Variants in CNDP1 observed in about 807,000 individuals in gnomAD.
The protein encoded by CNDP1 is carnosine dipeptidase 1.
A neutral mutation model predicts 58.1 loss-of-function variants in CNDP1; 44 were observed. That is an observed-to-expected ratio of 0.76 (90% CI 0.60 to 0.97). CNDP1 has a LOEUF of 0.97. CNDP1 is among the 50% of genes least tolerant of loss of function. The pLI, the probability that CNDP1 is intolerant of heterozygous loss-of-function variation, is 0.00. For synonymous variants in CNDP1, 254 were observed against 252.6 expected, an observed-to-expected ratio of 1.01 and a Z score of -0.05; for missense variants, 616 against 655.1, an observed-to-expected ratio of 0.94 and a Z score of 0.65.
intron 7 of CNDP1, among the ~76,000 whole-genome samples, chr18:74,573,371 C>T (rs1055110784): frequency 1.4e-5 from 2 of 138,660 alleles, no homozygotes; most frequent in African/African-American, 2.7e-5. Flanking sequence ...ATCCATCTAT[C>T]ATCTTTCTAT....
intron 1 of CNDP1, among the ~76,000 whole-genome samples, chr18:74,544,292 A>G (rs1251540853): frequency 6.6e-6 from 1 of 152,224 alleles, no homozygotes; most frequent in Admixed American, 6.5e-5. Flanking sequence ...TTGGCATCTT[A>G]TTCTATGATA....
rs536513249 is a variant in CNDP1, at chr18:74,582,503, A to T, written c.1310-1058A>T. Reference sequence around the variant, plus strand: ...CTATTGGCATATCTGTCACCAAAAAACCCAAAGAAGTCCCACTTCCATAAT... The same window carrying T: ...CTATTGGCATATCTGTCACCAAAAATCCCAAAGAAGTCCCACTTCCATAAT... On this transcript the variant is annotated intron_variant, in intron 10 of 11. Coordinates refer to ENST00000358821, the MANE Select transcript of CNDP1 (RefSeq NM_032649.6). Among the ~76,000 whole-genome samples the T allele has an allele frequency of 1.1e-4, 17 of 152,296 alleles. No individual in the cohort carries two copies. In the South Asian group the frequency reaches 3.3e-3, roughly 30 times the overall value.
intron 6 of CNDP1, among the ~76,000 whole-genome samples, chr18:74,567,684 T>G (rs1981366362): frequency 6.6e-6 from 1 of 152,156 alleles, no homozygotes. Context: ...CAGGGGTTTG[T>G]GACTTACAAA....
chr18:74,572,329 G>A (rs1484953507), intron 7 of CNDP1, among the ~76,000 whole-genome samples: 1 of 152,020 alleles, frequency 6.6e-6, no homozygotes, highest in Admixed American at 6.6e-5. Flanking sequence ...TAAACTCCAG[G>A]GGCCTCACTT....
At chr18:74,540,782 T>G (rs1321041090) in intron 1 of CNDP1, among the ~76,000 whole-genome samples, 1 of 152,206 alleles carries the variant, frequency 6.6e-6, no homozygotes, top group Admixed American at 6.5e-5. Context: ...CTCGGCTCAG[T>G]GCCTGCCCTC....
At chr18:74,560,010 C>CTTTCTTTT (rs1555709725) in intron 3 of CNDP1, among the ~76,000 whole-genome samples, 23 of 121,326 alleles carry the variant, frequency 1.9e-4, no homozygotes, top group Admixed American at 1.8e-3. Context: ...CATCTGCATT[C>CTTTCTTTT]TTTTTTTTTT....
At chr18:74,553,701 C>T (rs1980966218) in intron 1 of CNDP1, among the ~76,000 whole-genome samples, 1 of 152,144 alleles carries the variant, frequency 6.6e-6, no homozygotes, top group African/African-American at 2.4e-5. Flanking sequence ...TATTATCCAG[C>T]AAAATTCAGA....
chr18:74,570,897 A>G (rs1981462937), intron 6 of CNDP1, among the ~76,000 whole-genome samples: 1 of 152,224 alleles, frequency 6.6e-6, no homozygotes, highest in African/African-American at 2.4e-5. Flanking sequence ...GTAAACATCA[A>G]TCATTTGGCC....
intron 1 of CNDP1, among the ~76,000 whole-genome samples, chr18:74,539,838 A>G (rs1273211585): frequency 1.3e-5 from 2 of 152,228 alleles, no homozygotes; most frequent in African/African-American, 4.8e-5. Context: ...AATTACCAAC[A>G]TGTGGCCCAT....
At chr18:74,575,831 ATGTGTGTGTG>A (rs386388202) in intron 7 of CNDP1, among the ~76,000 whole-genome samples, 26 of 94,234 alleles carry the variant, frequency 2.8e-4, no homozygotes, top group African/African-American at 8.5e-4. Flanking sequence ...GTGTGTATAC[ATGTGTGTGTG>A]TGTGTGTGTG....
intron 11 of CNDP1, 159 bp downstream of exon 11, chr18:74,583,867 C>T: frequency 1.4e-6 from 1 of 723,916 alleles, no homozygotes; most frequent in Non-Finnish European, 2.3e-6. Context: ...GTTCTGGAGC[C>T]TGGATGCCCT....
At chr18:74,580,009 A>G in intron 9 of CNDP1, 121 bp from the exon 10 acceptor site, 1 of 854,670 alleles carries the variant, frequency 1.2e-6, no homozygotes, top group East Asian at 2.7e-5. Flanking sequence ...CTGGGGCTTC[A>G]GTTTCTTGAT....
Position 74,580,263 on chromosome 18 carries a change from T to A in CNDP1, c.1301T>A (p.Ile434Asn). The A allele has an allele frequency of 6.2e-7, 1 of 1,614,104 alleles. No homozygotes were observed. The highest frequency in any genetic ancestry group is 8.5e-7 in the Non-Finnish European group (1 of 1,179,990). Residue 434 changes from isoleucine to asparagine, a missense_variant, in exon 10 of 12, where the codon ATC becomes AAC. Coordinates refer to ENST00000358821, the MANE Select transcript of CNDP1 (RefSeq NM_032649.6). ...CAGTATCTCGCAGCAAAAAGAGCGA[T>A]CAGAACAGGTGGGACCTTAAGATCT... Reference protein sequence around the residue: ...DTQYLAAKRAIRTVFGTEPDM... With the variant: ...DTQYLAAKRANRTVFGTEPDM...
In CNDP1 at chr18:74,584,543, A is replaced by G; in HGVS notation, c.1505A>G (p.Glu502Gly). The part of the protein sequence containing the change: ...GTKLFAAFFL[E>G]MAQLH Reference sequence around the variant, plus strand: ...AAATTATTTGCTGCCTTTTTCTTAGAGATGGCCCAGCTCCATTAATCACAA... The same window carrying G: ...AAATTATTTGCTGCCTTTTTCTTAGGGATGGCCCAGCTCCATTAATCACAA... Residue 502 changes from glutamate (E) to glycine (G), a missense_variant, in exon 12 of 12, where the codon GAG (glutamate) becomes GGG (glycine). Glu to Gly is a moderately conservative substitution (Grantham distance 98, BLOSUM62 -2). Coordinates refer to ENST00000358821, the MANE Select transcript of CNDP1 (RefSeq NM_032649.6). The G allele has an allele frequency of 6.2e-7, 1 of 1,613,734 alleles. No homozygotes were observed. Among genetic ancestry groups the G allele is most frequent in the African/African-American group, 1.3e-5 (1 of 75,050 alleles).
rs1599105589 is a variant in CNDP1 at position 74,584,370 on chromosome 18, A to G, written c.1458-126A>G. ...GTGCTTTTCATACTGGGATCTCAGA[A>G]GTATGTTAAATAATTTAAATGGAAT... On this transcript the variant is annotated intron_variant, in intron 11 of 11. Transcript: ENST00000358821. 4.0e-5 allele frequency: 27 copies of G among 669,638 alleles called. 1 individual carries two copies. The East Asian group carries it at 7.4e-4, about 18-fold the overall frequency. 41.5% of individuals were successfully genotyped at this position (669,638 alleles called of 1,614,324 possible).
rs1021243555 is a variant in CNDP1, at chr18:74,545,506, A to C, written c.24+10815A>C. Among the ~76,000 whole-genome samples the C allele has an allele frequency of 6.6e-6, 1 of 152,156 alleles. No homozygotes were observed. Among genetic ancestry groups the C allele is most frequent in the African/African-American group, 2.4e-5 (1 of 41,426 alleles). On this transcript the variant is annotated intron_variant, in intron 1 of 11. Transcript: ENST00000358821. The surrounding 1 kb of genome is among the most constrained non-coding windows in gnomAD (Gnocchi z 4.1). The stretch of plus-strand genomic sequence containing the variant: ...AAACGTGTTATTTGGTGCTGTCTGC[A>C]TTTTGGTGTCTCCACCTTGGCCCAC...
At chr18:74,549,900 A>G (rs552201521) in intron 1 of CNDP1, among the ~76,000 whole-genome samples, 1 of 152,360 alleles carries the variant, frequency 6.6e-6, no homozygotes, top group African/African-American at 2.4e-5. Context: ...TGCAAGCTGT[A>G]AGCCTTGGCA....
chr18:74,575,845 G>A (rs1178530619), intron 7 of CNDP1, among the ~76,000 whole-genome samples: 26 of 148,306 alleles, frequency 1.8e-4, no homozygotes, highest in African/African-American at 5.5e-4. Flanking sequence ...GTGTGTGTGT[G>A]TGTGTGTGTG....
At chr18:74,581,295 G>A (rs1237072612) in intron 10 of CNDP1, among the ~76,000 whole-genome samples, 4 of 147,550 alleles carry the variant, frequency 2.7e-5, no homozygotes, top group South Asian at 4.4e-4. Context: ...GACGTTGGAC[G>A]GACACAAGGT....
Sources: allele counts gnomAD v4.1 joint callset (sites outside exome capture counted in the v4.1 genomes callset), GRCh38; gene constraint gnomAD v4.1.1; non-coding constraint Gnocchi (gnomAD v3.1); transcripts MANE v1.5; gene names NCBI Gene and HGNC (gene_info 2026-07-23, HGNC 2026-07-21).